The following RBPMS2 variants were observed in gnomAD, a reference collection of about 807,000 sequenced individuals.
The protein encoded by RBPMS2 is RNA-binding protein with multiple splicing 2.
Under a neutral mutation model 25.7 loss-of-function variants are expected in RBPMS2, and 14 were observed. The observed-to-expected ratio is 0.55, with a 90% confidence interval of 0.36 to 0.85. The LOEUF (loss-of-function observed/expected upper bound fraction) is 0.85, where lower values mean the gene tolerates loss of function less well. Ranked by LOEUF, RBPMS2 falls within the 40% of genes least tolerant of loss-of-function variation. RBPMS2 has a pLI of 0.01. For synonymous variants in RBPMS2, 127 were observed against 115.6 expected (o/e 1.10, Z -0.63); for missense variants, 252 against 283.4 (o/e 0.89, Z 0.80).
intron 1 of RBPMS2, among the ~76,000 whole-genome samples, chr15:64,758,128 G>A (rs144006875): frequency 3.8e-4 from 58 of 152,288 alleles, no homozygotes; most frequent in Non-Finnish European, 6.9e-4. Flanking sequence ...TACACAAAAC[G>A]TTTTAAAGCA....
Position 64,748,215 on chromosome 15 carries a change from G to A in RBPMS2, c.567+204C>T, listed in dbSNP as rs541942713. ...TGCCTGGCATCCTCCATGGGAACTC[G>A]TGGGTTATCTTCTCCCTCCCTGTCA... On this transcript the variant is annotated intron_variant, in intron 6 of 7. Transcript: ENST00000300069. Among the ~76,000 whole-genome samples the A allele has an allele frequency of 2.2e-4, 34 of 152,288 alleles. No individual in the cohort carries two copies. In the South Asian group the frequency reaches 2.7e-3, roughly 12 times the overall value.
chr15:64,769,582 C>T (rs1180023425), intron 1 of RBPMS2, among the ~76,000 whole-genome samples: 2 of 151,962 alleles, frequency 1.3e-5, no homozygotes, highest in Non-Finnish European at 2.9e-5. Context: ...ATGGCGTGAA[C>T]CCAGGAGGCA....
intron 1 of RBPMS2, among the ~76,000 whole-genome samples, chr15:64,770,741 T>C (rs1004339904): frequency 6.6e-5 from 10 of 152,152 alleles, no homozygotes; most frequent in Middle Eastern, 3.4e-3. Flanking sequence ...GATCCAGGAA[T>C]TACCTCGCAC....
intron 1 of RBPMS2, among the ~76,000 whole-genome samples, chr15:64,752,174 A>C (rs1383402811): frequency 6.6e-6 from 1 of 152,078 alleles, no homozygotes; most frequent in Non-Finnish European, 1.5e-5. Flanking sequence ...AAAAATCTGA[A>C]GAAAGCTGCA....
intron 6 of RBPMS2, among the ~76,000 whole-genome samples, chr15:64,744,748 T>G (rs1402209367): frequency 1.3e-5 from 2 of 150,024 alleles, no homozygotes; most frequent in Non-Finnish European, 3.0e-5. Flanking sequence ...GAGCTACACT[T>G]ACTATTATTT....
chr15:64,774,886 G>C (rs929364467), intron 1 of RBPMS2, among the ~76,000 whole-genome samples: 1 of 151,554 alleles, frequency 6.6e-6, no homozygotes. Context: ...CTCGGAGGAG[G>C]GCGGCGAGCG....
chr15:64,759,222 C>T (rs2083759710), intron 1 of RBPMS2, among the ~76,000 whole-genome samples: 1 of 152,150 alleles, frequency 6.6e-6, no homozygotes, highest in African/African-American at 2.4e-5. Context: ...GGAAGTAGAG[C>T]CCCCCATCCT....
chr15:64,759,370 CTCTT>C (rs2083761601), intron 1 of RBPMS2, among the ~76,000 whole-genome samples: 6 of 152,344 alleles, frequency 3.9e-5, no homozygotes, highest in Admixed American at 3.9e-4. Flanking sequence ...ACCCAGCCCT[CTCTT>C]TCAGGAAGGT....
At chr15:64,773,436 G>A (rs1427383021) in intron 1 of RBPMS2, among the ~76,000 whole-genome samples, 1 of 152,190 alleles carries the variant, frequency 6.6e-6, no homozygotes, top group Non-Finnish European at 1.5e-5. Context: ...TTTTCCAAGT[G>A]CGCGGATTTG....
At chr15:64,751,515 C>G in intron 2 of RBPMS2, 46 bp downstream of exon 2, 1 of 1,545,066 alleles carries the variant, frequency 6.5e-7, no homozygotes, top group Non-Finnish European at 8.9e-7. Flanking sequence ...CGCTGCTTCT[C>G]CAGGGTCCCA....
rs552414301 is a variant in RBPMS2, at chr15:64,767,393, C to T, written c.87+7840G>A. Reference sequence around the variant, plus strand: ...GAGGAAGTGACGTGACACCAGATGTCGCTGCTGCCCATAACCAATGCCAGA... The same window carrying T: ...GAGGAAGTGACGTGACACCAGATGTTGCTGCTGCCCATAACCAATGCCAGA... On this transcript the variant is annotated intron_variant, in intron 1 of 7. Transcript: ENST00000300069. 4.6e-5 allele frequency among the ~76,000 whole-genome samples: 7 copies of T among 152,334 alleles called. No individual in the cohort carries two copies. The South Asian group carries it at 1.4e-3, about 32-fold the overall frequency.
chr15:64,771,180 T>A (rs927066041), intron 1 of RBPMS2, among the ~76,000 whole-genome samples: 1 of 152,250 alleles, frequency 6.6e-6, no homozygotes, highest in South Asian at 2.1e-4. Flanking sequence ...TTTAACAATC[T>A]CCAAACTCTT....
At chr15:64,748,637 A>G in intron 5 of RBPMS2, 70 bp from the exon 6 acceptor site, 1 of 1,497,144 alleles carries the variant, frequency 6.7e-7, no homozygotes, top group Non-Finnish European at 8.9e-7. Flanking sequence ...AAGGGGACCC[A>G]GCACTATGGT....
At chr15:64,750,493 T>A (rs765378582) in intron 2 of RBPMS2, 112 bp from the exon 3 acceptor site, 35 of 938,836 alleles carry the variant, frequency 3.7e-5, no homozygotes, top group African/African-American at 9.7e-5. Context: ...CACACCCTTC[T>A]CCCTGTCAAC....
At chr15:64,743,332 G>A (rs939465783) in intron 6 of RBPMS2, among the ~76,000 whole-genome samples, 3 of 152,274 alleles carry the variant, frequency 2.0e-5, no homozygotes, top group African/African-American at 7.2e-5. Context: ...ACAAGGTGCT[G>A]GGATTCCTGC....
At chr15:64,744,758 T>TA (rs2083598843) in intron 6 of RBPMS2, among the ~76,000 whole-genome samples, 4 of 150,852 alleles carry the variant, frequency 2.7e-5, no homozygotes, top group African/African-American at 9.7e-5. Flanking sequence ...TACTATTATT[T>TA]ATTTTAAGTC....
intron 1 of RBPMS2, among the ~76,000 whole-genome samples, chr15:64,770,263 A>G (rs1305428050): frequency 6.6e-6 from 1 of 152,190 alleles, no homozygotes; most frequent in Non-Finnish European, 1.5e-5. Context: ...ATAAAACACA[A>G]TAGCAGTATA....
At chr15:64,751,008 T>C (rs2083673091) in intron 2 of RBPMS2, among the ~76,000 whole-genome samples, 1 of 146,718 alleles carries the variant, frequency 6.8e-6, no homozygotes. Context: ...CACTCCAGCC[T>C]GGGCAACTGA....
At chr15:64,743,640 A>AGG (rs11318612) in intron 6 of RBPMS2, among the ~76,000 whole-genome samples, 8 of 22,258 alleles carry the variant, frequency 3.6e-4, no homozygotes, top group African/African-American at 5.7e-4. Flanking sequence ...AGTTGTGCCC[A>AGG]GGGGGGGGGG....
Sources: allele counts gnomAD v4.1 joint callset (sites outside exome capture counted in the v4.1 genomes callset), GRCh38; gene constraint gnomAD v4.1.1; transcripts MANE v1.5; gene names NCBI Gene and HGNC (gene_info 2026-07-23, HGNC 2026-07-21).